Variants in BTBD2 observed in about 807,000 individuals in gnomAD.
BTBD2 encodes BTB/POZ domain-containing protein 2.
Under a neutral mutation model 44.0 loss-of-function variants are expected in BTBD2, and 15 were observed. The observed-to-expected ratio is 0.34, with a 90% confidence interval of 0.23 to 0.53. The LOEUF (loss-of-function observed/expected upper bound fraction) is 0.53. Among genes scored for constraint, BTBD2 ranks in the 20% least tolerant of loss-of-function variants. The pLI is 0.95. For missense variants in BTBD2, 657 were observed against 746.4 expected, an observed-to-expected ratio of 0.88 and a Z score of 1.39; for synonymous variants, 443 against 335.9, an observed-to-expected ratio of 1.32 and a Z score of -3.49.
intron 1 of BTBD2, among the ~76,000 whole-genome samples, chr19:2,006,388 T>A (rs967066127): frequency 1.3e-5 from 2 of 151,742 alleles, no homozygotes; most frequent in Admixed American, 1.3e-4. Context: ...AAAGTAAACA[T>A]GCCAGCTACT....
intron 1 of BTBD2, among the ~76,000 whole-genome samples, chr19:2,012,987 C>T (rs1342178004): frequency 6.6e-6 from 1 of 152,146 alleles, no homozygotes; most frequent in Non-Finnish European, 1.5e-5. Flanking sequence ...GGAGCAAACC[C>T]ACCGCCCCTC....
intron 4 of BTBD2, 36 bp downstream of exon 4, chr19:1,990,681 G>T (rs779379687): frequency 3.2e-6 from 5 of 1,542,496 alleles, no homozygotes; most frequent in Non-Finnish European, 4.4e-6. Context: ...CCGAGGCCCC[G>T]CTGGGATTCC....
In BTBD2 at chr19:1,997,333, G is replaced by C. The variant is rs759938169; in HGVS notation, c.527+11C>G. 1 of 1,614,010 alleles carries C rather than the reference G, an allele frequency of 6.2e-7. No individual in the cohort carries two copies. The highest frequency in any genetic ancestry group is 1.1e-5 in the South Asian group (1 of 91,080). The stretch of plus-strand genomic sequence containing the variant: ...CCCAGCTCCCCAGCAGGAAGCATCC[G>C]GAAGCATTACTTGAGCAGTGCGAGG... On this transcript the variant is annotated intron_variant, in intron 2 of 8. Coordinates refer to ENST00000255608, the MANE Select transcript of BTBD2 (RefSeq NM_017797.4).
rs750479066 is a variant in BTBD2, at chr19:1,987,520, G to A, written c.1161C>T (p.Ser387=). 3.9e-5 allele frequency: 62 copies of A among 1,580,214 alleles called. No individual in the cohort carries two copies. The highest frequency in any genetic ancestry group is 1.9e-4 in the East Asian group (8 of 42,892). The change falls in exon 6 of 9, where the codon AGC becomes AGT. Residue 387 remains serine, a synonymous_variant. Transcript: ENST00000255608. The stretch of plus-strand genomic sequence containing the variant: ...CCCACCTGATGCGGTCACTGGTCCC[G>A]CTGTAGCCCCAGCGACTCTCCACCT... ...FQQVESRWGY[S]GTSDRIRFSV...
chr19:2,003,262 G>A (rs34847357), intron 1 of BTBD2: 29,984 of 151,084 alleles, frequency 0.2, 3,302 homozygotes, highest in East Asian at 0.31. Context: ...TCACAAGGTC[G>A]GGAGTTCAAG....
chr19:1,995,069 G>A (rs529070186), intron 2 of BTBD2, among the ~76,000 whole-genome samples: 40 of 151,248 alleles, frequency 2.6e-4, no homozygotes, highest in African/African-American at 9.5e-4. Context: ...CCAGGTTCAA[G>A]CGATTCTCCT....
At chr19:2,006,690 AG>A in intron 1 of BTBD2, among the ~76,000 whole-genome samples, 1 of 151,184 alleles carries the variant, frequency 6.6e-6, no homozygotes, top group South Asian at 2.1e-4. Context: ...TTGTAAATTA[AG>A]TTTTTTTTTT....
At chr19:1,999,346 C>T (rs569952794) in intron 1 of BTBD2, among the ~76,000 whole-genome samples, 3 of 152,178 alleles carry the variant, frequency 2.0e-5, no homozygotes, top group African/African-American at 7.2e-5. Flanking sequence ...GAAGGCTGGC[C>T]CTAAACAGTG....
intron 2 of BTBD2, among the ~76,000 whole-genome samples, chr19:1,997,139 C>T (rs2145632405): frequency 6.6e-6 from 1 of 151,986 alleles, no homozygotes; most frequent in Middle Eastern, 3.4e-3. Context: ...AAGATCACGG[C>T]ACTGCACTCC....
At chr19:1,991,067 A>G in intron 3 of BTBD2, 1 of 450,898 alleles carries the variant, frequency 2.2e-6, no homozygotes, top group South Asian at 2.6e-5. Context: ...CCAAGGAAGG[A>G]AGAAAAAGAT....
intron 5 of BTBD2, 155 bp from the exon 6 acceptor site, chr19:1,987,847 T>C (rs1400596557): frequency 1.4e-5 from 10 of 690,230 alleles, no homozygotes; most frequent in Non-Finnish European, 2.4e-5. Context: ...CCACCAGCCA[T>C]GGCCCCTGCT....
At chr19:1,998,104 CACAT>C (rs932266023) in intron 1 of BTBD2, among the ~76,000 whole-genome samples, 3 of 152,184 alleles carry the variant, frequency 2.0e-5, no homozygotes, top group African/African-American at 7.2e-5. Context: ...CACACACACA[CACAT>C]TCGTTCATTC....
chr19:1,987,288 C>T (rs201150499), intron 6 of BTBD2, 35 bp from the exon 7 acceptor site: 7 of 1,603,982 alleles, frequency 4.4e-6, no homozygotes, highest in Non-Finnish European at 6.0e-6. Context: ...AGCGTGGATA[C>T]CCAGGGATAG....
intron 1 of BTBD2, among the ~76,000 whole-genome samples, chr19:1,998,915 C>T (rs902306553): frequency 3.9e-5 from 6 of 152,146 alleles, no homozygotes; most frequent in African/African-American, 1.2e-4. Context: ...CTCTTCCCCA[C>T]CTGTCCCCTT....
chr19:1,989,921 C>CG (rs529168561), intron 5 of BTBD2, 83 bp downstream of exon 5: 5 of 1,490,090 alleles, frequency 3.4e-6, no homozygotes, highest in Non-Finnish European at 3.7e-6. Context: ...GCAGTGAACT[C>CG]GGGGGCACTA....
chr19:1,990,796 C>G lies in BTBD2; in HGVS notation c.711G>C (p.Leu237=), dbSNP rs1285886590. The stretch of plus-strand genomic sequence containing the variant: ...CGATGTTCTCCAGGCACAGGCTGGC[C>G]AGCTGCGGTTCATCGAAGAGTCGCG... ...TQARLFDEPQ[L]ASLCLENIDK... is the part of the protein sequence containing the mutation. The change falls in exon 4 of 9, where the codon CTG becomes CTC. Residue 237 remains leucine (L), a synonymous_variant. Transcript: ENST00000255608. The G allele has an allele frequency of 1.3e-6, 2 of 1,587,294 alleles. No homozygotes were observed. The highest frequency in any genetic ancestry group is 2.3e-5 in the East Asian group (1 of 42,968).
chr19:1,987,127 G>C (rs768079814), intron 7 of BTBD2, 39 bp downstream of exon 7: 67 of 1,603,874 alleles, frequency 4.2e-5, no homozygotes, highest in Admixed American at 1.0e-4. Context: ...GAGGACATGG[G>C]CCTGAGTGGG....
Position 1,994,782 on chromosome 19 carries a change from A to G in BTBD2, c.528-1606T>C, listed in dbSNP as rs548643631. 1.6e-4 allele frequency among the ~76,000 whole-genome samples: 25 copies of G among 151,572 alleles called. No individual in the cohort carries two copies. In the South Asian group the frequency reaches 4.8e-3, roughly 29 times the overall value. ...TCAAAAAATGAAAAAATAAAAAAAT[A>G]TTTTTTTTCTCTCCCAGCCTGTGGG... On this transcript the variant is annotated intron_variant, in intron 2 of 8. Transcript: ENST00000255608.
chr19:1,986,301 C>T lies in BTBD2; in HGVS notation c.*187G>A. 1 of 711,328 alleles carries T rather than the reference C, an allele frequency of 1.4e-6. No homozygotes were observed. The highest frequency in any genetic ancestry group is 2.3e-6 in the Non-Finnish European group (1 of 436,974). 44.1% of individuals were successfully genotyped at this position (711,328 alleles called of 1,614,324 possible). A position where few individuals can be genotyped will look rare whatever the true frequency, so the allele number is the denominator to read the frequency against. ...GGCCACCTCCCCGGCTGCCCTGATCCAGCAGCCACACTCGTGGTGAACACA... is the reference window on the plus strand; with the variant it reads ...GGCCACCTCCCCGGCTGCCCTGATCTAGCAGCCACACTCGTGGTGAACACA... On this transcript the variant is annotated 3_prime_UTR_variant, in exon 9 of 9. Coordinates refer to ENST00000255608, the MANE Select transcript of BTBD2 (RefSeq NM_017797.4).
Sources: allele counts gnomAD v4.1 joint callset (sites outside exome capture counted in the v4.1 genomes callset), GRCh38; gene constraint gnomAD v4.1.1; transcripts MANE v1.5; gene names NCBI Gene and HGNC (gene_info 2026-07-23, HGNC 2026-07-21).